Variants in WNK2 observed in about 807,000 individuals in gnomAD.
WNK2 encodes serine/threonine-protein kinase WNK2.
Under a neutral mutation model 192.1 loss-of-function variants are expected in WNK2, and 67 were observed. The observed-to-expected ratio is 0.35, with a 90% CI of 0.29 to 0.43. The LOEUF (loss-of-function observed/expected upper bound fraction) is 0.43. WNK2 is among the 20% of genes least tolerant of loss of function. The pLI is 1.00. For synonymous variants in WNK2, 1,439 were observed against 1,393.9 expected (o/e 1.03, Z -0.72); for missense variants, 2,698 against 3,089.7 (o/e 0.87, Z 3.01).
Position 93,263,610 on chromosome 9 carries a change from G to T in WNK2, c.3455G>T (p.Ser1152Ile), listed in dbSNP as rs763716470. The change falls in exon 15 of 30, where the codon AGC becomes ATC. Residue 1152 changes from serine (S) to isoleucine (I), a missense_variant. Physicochemically the swap from Ser to Ile is moderately radical, Grantham distance 142. Transcript: ENST00000427277. The part of the protein sequence containing the change: ...DVTSGKELSD[S>I]CEGAFGGGRL... ...ACTTCTGGAAAAGAGCTGAGTGACA[G>T]CTGTGAAGGCGCCTTTGGAGGGGGC... 2 of 1,610,570 alleles carry T rather than the reference G, an allele frequency of 1.2e-6. No homozygotes were observed. The highest frequency in any genetic ancestry group is 4.5e-5 in the East Asian group (2 of 44,842).
At position 93,229,890 on chromosome 9, in the gene WNK2, C is replaced by G; in HGVS notation, c.854+22C>G. On this transcript the variant is annotated intron_variant, in intron 3 of 29. Coordinates refer to ENST00000427277, the MANE Select transcript of WNK2 (RefSeq NM_006648.4). This position sits in a 1 kb window ranked among gnomAD's most constrained non-coding sequence, Gnocchi z 4.9. ...AGACGTAAGCTCCGCTTCCTGAGGG[C>G]TGGGGCGGGTCCTGGCATGGGTGCA... The G allele has an allele frequency of 6.2e-7, 1 of 1,608,656 alleles. No individual in the cohort carries two copies. Among genetic ancestry groups the G allele is most frequent in the Non-Finnish European group, 8.5e-7 (1 of 1,176,782 alleles).
rs566574244 is a variant in WNK2, at chr9:93,190,817, G to A, written c.681+5207G>A. On this transcript the variant is annotated intron_variant, in intron 2 of 29. Transcript: ENST00000427277. ...CCTGGCTGCTTCACGGGTCACCCGC[G>A]TCTCCAGGCTTGATCTTGGGCCCTC... is the stretch of plus-strand genomic sequence containing the variant. Among the ~76,000 whole-genome samples, 194 of 152,336 alleles carry A rather than the reference G, an allele frequency of 1.3e-3. 1 individual carries two copies. The highest frequency in any genetic ancestry group is 2.1e-3 in the Non-Finnish European group (145 of 68,036).
rs369746837 is a variant in WNK2 at position 93,224,179 on chromosome 9, G to A, written c.682-5517G>A. The stretch of plus-strand genomic sequence containing the variant: ...TGGTTCTGGGCACTCTCCTCTGCCC[G>A]AGTGTGCGTGGGGCTCACCTCCTGG... On this transcript the variant is annotated intron_variant, in intron 2 of 29. Coordinates refer to ENST00000427277, the MANE Select transcript of WNK2 (RefSeq NM_006648.4). Among the ~76,000 whole-genome samples, 34 of 152,350 alleles carry A rather than the reference G, an allele frequency of 2.2e-4. 1 individual carries two copies. The South Asian group carries it at 7.1e-3, about 32-fold the overall frequency.
Position 93,300,082 on chromosome 9 carries a change from A to G in WNK2, c.6147A>G (p.Arg2049=). The change falls in exon 26 of 30, where the codon AGA becomes AGG. Residue 2049 remains arginine, a synonymous_variant. Transcript: ENST00000427277. ...CGGTTTACCACCCAACGTCTGAGAGAGTGACCTATAAGTCTAGTAGCAAAC... is the reference window on the plus strand; with the variant it reads ...CGGTTTACCACCCAACGTCTGAGAGGGTGACCTATAAGTCTAGTAGCAAAC... ...GWTVYHPTSE[R]VTYKSSSKPR... is the part of the protein sequence containing the mutation. 6.2e-7 allele frequency: 1 copy of G among 1,613,484 alleles called. No homozygotes were observed. The highest frequency in any genetic ancestry group is 8.5e-7 in the Non-Finnish European group (1 of 1,179,778).
intron 18 of WNK2, 88 bp downstream of exon 18, chr9:93,268,153 TG>T (rs767333914): frequency 2.6e-6 from 4 of 1,520,104 alleles, no homozygotes; most frequent in African/African-American, 1.4e-5. Context: ...GGCCATTGCT[TG>T]GGGGGATTAT....
intron 19 of WNK2, among the ~76,000 whole-genome samples, chr9:93,269,667 A>T (rs1365869539): frequency 6.6e-6 from 1 of 152,228 alleles, no homozygotes; most frequent in Non-Finnish European, 1.5e-5. Flanking sequence ...ACACCCAATT[A>T]TAAGAAAAAC....
intron 2 of WNK2, among the ~76,000 whole-genome samples, chr9:93,214,234 T>C (rs1313644016): frequency 6.6e-6 from 1 of 152,276 alleles, no homozygotes; most frequent in East Asian, 1.9e-4. Flanking sequence ...ATAATTTTGC[T>C]GGATACAGAA....
At chr9:93,186,904 T>A (rs780928548) in intron 2 of WNK2, among the ~76,000 whole-genome samples, 4 of 152,064 alleles carry the variant, frequency 2.6e-5, no homozygotes, top group Non-Finnish European at 5.9e-5. Flanking sequence ...CCCTCCCTCA[T>A]GGTCCTGTAG....
chr9:93,251,637 G>A (rs556861679), intron 8 of WNK2, among the ~76,000 whole-genome samples: 12 of 152,280 alleles, frequency 7.9e-5, no homozygotes, highest in African/African-American at 2.9e-4. Flanking sequence ...TTGAGCCTGG[G>A]AGGTCAAGGC....
rs1843529871 is a variant in WNK2, at chr9:93,257,696, A to C, written c.2382+557A>C. Among the ~76,000 whole-genome samples, 1 of 152,222 alleles carries C rather than the reference A, an allele frequency of 6.6e-6. No individual in the cohort carries two copies. Among genetic ancestry groups the C allele is most frequent in the African/African-American group, 2.4e-5 (1 of 41,466 alleles). ...TGGAGCTCCTCCAGGGCCGTGTGGC[A>C]TGTGGCTCCTCGGAGTTCCAAAGCC... On this transcript the variant is annotated intron_variant, in intron 11 of 29. Coordinates refer to ENST00000427277, the MANE Select transcript of WNK2 (RefSeq NM_006648.4). The surrounding 1 kb of genome is among the most constrained non-coding windows in gnomAD (Gnocchi z 4.7).
intron 2 of WNK2, among the ~76,000 whole-genome samples, chr9:93,218,899 G>A (rs1443033456): frequency 2.0e-5 from 3 of 152,198 alleles, no homozygotes; most frequent in African/African-American, 7.2e-5. Context: ...GAGAACAGAC[G>A]GGCGTGGGGA....
chr9:93,242,818 C>G (rs185971005), intron 7 of WNK2, among the ~76,000 whole-genome samples: 3 of 152,322 alleles, frequency 2.0e-5, no homozygotes, highest in Admixed American at 1.3e-4. Context: ...AGGGAGTTAC[C>G]TCTATCCTGG....
At chr9:93,302,436 C>T (rs753593173) in intron 26 of WNK2, among the ~76,000 whole-genome samples, 26 of 152,118 alleles carry the variant, frequency 1.7e-4, no homozygotes, top group Non-Finnish European at 2.9e-4. Flanking sequence ...GGGCAGCCGG[C>T]GCAGCCAGCC....
At chr9:93,309,833 A>C (rs1853320317) in intron 28 of WNK2, among the ~76,000 whole-genome samples, 1 of 152,248 alleles carries the variant, frequency 6.6e-6, no homozygotes. Flanking sequence ...GTAGGCATTC[A>C]AGGCTATAAA....
intron 19 of WNK2, among the ~76,000 whole-genome samples, chr9:93,277,257 A>G (rs1276893011): frequency 6.6e-6 from 1 of 152,228 alleles, no homozygotes; most frequent in Non-Finnish European, 1.5e-5. Context: ...TGGAACTCAT[A>G]CATTTCTGGG....
chr9:93,275,143 AGAAG>A (rs1846631185), intron 19 of WNK2, among the ~76,000 whole-genome samples: 2 of 152,244 alleles, frequency 1.3e-5, no homozygotes, highest in Admixed American at 1.3e-4. Context: ...AATAGTCTAA[AGAAG>A]GAAGAAACAT....
intron 19 of WNK2, 182 bp downstream of exon 19, chr9:93,268,928 A>G: frequency 2.6e-6 from 4 of 1,555,866 alleles, no homozygotes; most frequent in Non-Finnish European, 3.5e-6. Context: ...CTGCTGAATC[A>G]GCTCAGTCAA....
chr9:93,211,281 C>CACACTCGCACAT (rs1834620442), intron 2 of WNK2, among the ~76,000 whole-genome samples: 1 of 126,036 alleles, frequency 7.9e-6, no homozygotes, highest in Non-Finnish European at 1.7e-5. Flanking sequence ...CACTCATCCA[C>CACACTCGCACAT]TCACTCATAC....
At chr9:93,310,442 C>CAAA (rs112280576) in intron 28 of WNK2, among the ~76,000 whole-genome samples, 28 of 151,098 alleles carry the variant, frequency 1.9e-4, no homozygotes, top group South Asian at 1.3e-3. Flanking sequence ...TTTGTCATGG[C>CAAA]AAAAAAATAT....
Sources: gnomAD v4.1 joint callset for allele counts (sites outside exome capture counted in the v4.1 genomes callset) on GRCh38, gnomAD v4.1.1 for gene constraint, Gnocchi (gnomAD v3.1) non-coding constraint, MANE v1.5 for transcripts, NCBI Gene and HGNC (gene_info 2026-07-23, HGNC 2026-07-21) for gene names.